GNAQ: variants seen among roughly 807,000 people sequenced by gnomAD.
GNAQ encodes guanine nucleotide-binding protein G(q) subunit alpha.
GNAQ carries 8 observed loss-of-function variants against 43.9 expected under a neutral mutation model. The observed-to-expected ratio is 0.18, with a 90% CI of 0.11 to 0.33. GNAQ has a LOEUF of 0.33. Ranked by LOEUF, GNAQ falls within the 10% of genes least tolerant of loss-of-function variation. The pLI, the probability that GNAQ is intolerant of heterozygous loss-of-function variation, is 1.00. For missense variants in GNAQ, 158 were observed against 450.8 expected (o/e 0.35, Z 5.88); for synonymous variants, 155 against 170.7 (o/e 0.91, Z 0.71).
intron 2 of GNAQ, among the ~76,000 whole-genome samples, chr9:77,886,962 A>G (rs1326081040): frequency 6.6e-6 from 1 of 151,550 alleles, no homozygotes; most frequent in African/African-American, 2.4e-5. Context: ...AATACAAAAA[A>G]AAAAAAAAAA....
intron 2 of GNAQ, among the ~76,000 whole-genome samples, chr9:77,859,429 A>G (rs754209107): frequency 1.9e-4 from 29 of 152,222 alleles, no homozygotes; most frequent in Non-Finnish European, 8.8e-5. Context: ...TTAGATCCAC[A>G]TATCTGTTTG....
In GNAQ at chr9:77,854,587, G is replaced by C. The variant is rs538472557; in HGVS notation, c.322-38817C>G. 2.0e-5 allele frequency among the ~76,000 whole-genome samples: 3 copies of C among 152,164 alleles called. No homozygotes were observed. In the East Asian group the frequency reaches 5.8e-4, roughly 29 times the overall value. ...AAACAAATCAGCAAGATGTACAAAT[G>C]CCTTATTTTCTCTGCCCTGGTCTGC... is the stretch of plus-strand genomic sequence containing the variant. On this transcript the variant is annotated intron_variant, in intron 2 of 6. Coordinates refer to ENST00000286548, the MANE Select transcript of GNAQ (RefSeq NM_002072.5).
chr9:77,850,957 T>C (rs1278258483), intron 2 of GNAQ, among the ~76,000 whole-genome samples: 4 of 152,104 alleles, frequency 2.6e-5, no homozygotes, highest in Non-Finnish European at 4.4e-5. Context: ...AGGACCACCA[T>C]TGCTCTTTTC....
chr9:77,788,977 T>A (rs921469930), intron 5 of GNAQ, among the ~76,000 whole-genome samples: 2 of 152,222 alleles, frequency 1.3e-5, no homozygotes, highest in Admixed American at 6.5e-5. Flanking sequence ...AGAAGCTAAT[T>A]TGAGTAACTA....
At chr9:77,901,129 A>T (rs563840438) in intron 2 of GNAQ, among the ~76,000 whole-genome samples, 1 of 152,110 alleles carries the variant, frequency 6.6e-6, no homozygotes, top group Non-Finnish European at 1.5e-5. Flanking sequence ...GCTTCCAGAA[A>T]GTACCACACT....
At chr9:77,738,447 T>G (rs1336955737) in intron 5 of GNAQ, among the ~76,000 whole-genome samples, 1 of 152,208 alleles carries the variant, frequency 6.6e-6, no homozygotes, top group Admixed American at 6.5e-5. Flanking sequence ...AAAATTAATA[T>G]GTGGTCATGA....
At chr9:77,807,895 A>C (rs1422593140) in intron 3 of GNAQ, among the ~76,000 whole-genome samples, 1 of 152,188 alleles carries the variant, frequency 6.6e-6, no homozygotes, top group Non-Finnish European at 1.5e-5. Flanking sequence ...GTTGGGTCCA[A>C]AGCAGCTATA....
intron 5 of GNAQ, among the ~76,000 whole-genome samples, chr9:77,731,222 C>T (rs150717540): frequency 1.1e-4 from 16 of 152,154 alleles, no homozygotes; most frequent in East Asian, 5.8e-4. Flanking sequence ...CTAGACTATG[C>T]GCAGAGACAG....
chr9:78,020,387 C>T (rs186421114), intron 1 of GNAQ, among the ~76,000 whole-genome samples: 2 of 152,164 alleles, frequency 1.3e-5, no homozygotes, highest in Non-Finnish European at 2.9e-5. Flanking sequence ...GGGTTTTTCT[C>T]GGGACACAGC....
intron 2 of GNAQ, among the ~76,000 whole-genome samples, chr9:77,819,002 C>CAAAAA (rs10547681): frequency 1.5e-4 from 7 of 45,292 alleles, no homozygotes; most frequent in African/African-American, 5.4e-4. Context: ...ACCATCTCTC[C>CAAAAA]AAAAAAAAAA....
intron 5 of GNAQ, among the ~76,000 whole-genome samples, chr9:77,758,487 T>C (rs1200705364): frequency 5.9e-5 from 9 of 152,208 alleles, no homozygotes; most frequent in Non-Finnish European, 1.2e-4. Flanking sequence ...ATTTCTAAAC[T>C]AAATTGCTAA....
Position 77,942,446 on chromosome 9 carries a change from C to G in GNAQ, c.137-20101G>C, listed in dbSNP as rs529865902. 1.6e-3 allele frequency among the ~76,000 whole-genome samples: 237 copies of G among 152,288 alleles called. 1 individual carries two copies. The highest frequency in any genetic ancestry group is 5.5e-3 in the African/African-American group (229 of 41,548). ...AATTCTGCAGTGATCCATCACTCTGCTTTGTGAGTACTGTGATATACTTGC... is the reference window on the plus strand; with the variant it reads ...AATTCTGCAGTGATCCATCACTCTGGTTTGTGAGTACTGTGATATACTTGC... On this transcript the variant is annotated intron_variant, in intron 1 of 6. Coordinates refer to ENST00000286548, the MANE Select transcript of GNAQ (RefSeq NM_002072.5).
intron 1 of GNAQ, among the ~76,000 whole-genome samples, chr9:77,929,075 A>AT (rs1412560342): frequency 6.6e-6 from 1 of 152,148 alleles, no homozygotes; most frequent in African/African-American, 2.4e-5. Flanking sequence ...CAATTTAAAA[A>AT]TTTTTTTAAA....
intron 5 of GNAQ, among the ~76,000 whole-genome samples, chr9:77,789,149 T>A (rs905031658): frequency 6.6e-6 from 1 of 152,214 alleles, no homozygotes; most frequent in Non-Finnish European, 1.5e-5. Context: ...CATCCAATCC[T>A]TACTGTCCTT....
At chr9:78,005,384 CA>C (rs778914167) in intron 1 of GNAQ, among the ~76,000 whole-genome samples, 1 of 152,180 alleles carries the variant, frequency 6.6e-6, no homozygotes, top group Non-Finnish European at 1.5e-5. Flanking sequence ...AACCAGAGAG[CA>C]ATGTGAAAAA....
intron 2 of GNAQ, among the ~76,000 whole-genome samples, chr9:77,836,059 T>C (rs1299002406): frequency 6.6e-6 from 1 of 152,164 alleles, no homozygotes; most frequent in Non-Finnish European, 1.5e-5. Flanking sequence ...TCACTGAATA[T>C]GCACTAAACT....
chr9:77,796,789 C>A (rs1435479553), intron 4 of GNAQ, among the ~76,000 whole-genome samples: 1 of 152,106 alleles, frequency 6.6e-6, no homozygotes, highest in Non-Finnish European at 1.5e-5. Context: ...GGGGAAAACA[C>A]CAGCATGAAA....
At chr9:77,997,609 C>T (rs1021702279) in intron 1 of GNAQ, among the ~76,000 whole-genome samples, 5 of 152,110 alleles carry the variant, frequency 3.3e-5, no homozygotes, top group Non-Finnish European at 5.9e-5. Flanking sequence ...TCAAGAGCCA[C>T]GCCAGCCTGA....
intron 2 of GNAQ, among the ~76,000 whole-genome samples, chr9:77,868,926 G>C (rs1827991957): frequency 6.6e-6 from 1 of 152,210 alleles, no homozygotes; most frequent in Admixed American, 6.5e-5. Context: ...GACAGAAGTT[G>C]CAGTGAGCCG....
Sources: gnomAD v4.1 joint callset for allele counts (sites outside exome capture counted in the v4.1 genomes callset) on GRCh38, gnomAD v4.1.1 for gene constraint, MANE v1.5 for transcripts, NCBI Gene and HGNC (gene_info 2026-07-23, HGNC 2026-07-21) for gene names.